Variants in EHBP1 observed in about 807,000 individuals in gnomAD.
EHBP1 encodes the protein EH domain binding protein 1, also known as EH domain-binding protein 1.
Under a neutral mutation model 144.0 loss-of-function variants are expected in EHBP1, and 55 were observed. The observed-to-expected ratio is 0.38, with a 90% confidence interval of 0.31 to 0.48. EHBP1 has a LOEUF of 0.48. Ranked by LOEUF, EHBP1 falls within the 20% of genes least tolerant of loss-of-function variation. EHBP1 has a pLI of 0.98. For synonymous variants in EHBP1, 469 were observed against 472.7 expected (o/e 0.99, Z 0.10); for missense variants, 1,200 against 1,364.2 (o/e 0.88, Z 1.90).
intron 10 of EHBP1, among the ~76,000 whole-genome samples, chr2:62,892,909 A>G (rs935562216): frequency 1.5e-4 from 23 of 152,158 alleles, no homozygotes; most frequent in South Asian, 8.3e-4. Flanking sequence ...AACCAAAGTA[A>G]TTACTAGTAT....
At chr2:63,009,380 A>G (rs1489877092) in intron 19 of EHBP1, among the ~76,000 whole-genome samples, 1 of 151,576 alleles carries the variant, frequency 6.6e-6, no homozygotes, top group East Asian at 1.9e-4. Context: ...TTAGCTGAAC[A>G]TTTCTAGAAA....
chr2:63,029,919 T>C (rs1021662780), intron 19 of EHBP1, among the ~76,000 whole-genome samples: 4 of 151,048 alleles, frequency 2.6e-5, no homozygotes, highest in Non-Finnish European at 5.9e-5. Flanking sequence ...TTAGTAGAGA[T>C]GGGGTTTCAC....
chr2:62,802,654 A>C (rs1197896647), intron 5 of EHBP1, among the ~76,000 whole-genome samples: 1 of 150,716 alleles, frequency 6.6e-6, no homozygotes, highest in Non-Finnish European at 1.5e-5. Context: ...TTAAAATGAT[A>C]TTACACACAC....
At chr2:62,682,270 A>G (rs1454663358) in intron 1 of EHBP1, among the ~76,000 whole-genome samples, 1 of 152,220 alleles carries the variant, frequency 6.6e-6, no homozygotes, top group Non-Finnish European at 1.5e-5. Flanking sequence ...AAAAAGTGAT[A>G]AATAAGGGAT....
intron 14 of EHBP1, among the ~76,000 whole-genome samples, chr2:62,969,227 T>C (rs2058384650): frequency 6.6e-6 from 1 of 152,142 alleles, no homozygotes; most frequent in African/African-American, 2.4e-5. Flanking sequence ...GGAATTCATA[T>C]GTATTAAGTA....
chr2:62,852,715 A>G (rs756003295), intron 7 of EHBP1, among the ~76,000 whole-genome samples: 13 of 152,170 alleles, frequency 8.5e-5, no homozygotes, highest in Non-Finnish European at 1.8e-4. Context: ...AAAATCAGTC[A>G]TGAGACTGGT....
chr2:63,044,984 T>C, intron 21 of EHBP1, 82 bp from the exon 22 acceptor site: 1 of 998,280 alleles, frequency 1.0e-6, no homozygotes, highest in African/African-American at 1.8e-5. Context: ...ATAAGGAAAC[T>C]GGAAAAGGCG....
At chr2:62,969,035 TA>T (rs1479675149) in intron 14 of EHBP1, among the ~76,000 whole-genome samples, 1 of 152,214 alleles carries the variant, frequency 6.6e-6, no homozygotes, top group East Asian at 1.9e-4. Flanking sequence ...ATAATTTTTT[TA>T]AACTAAGAAG....
At chr2:62,754,693 GC>G (rs1316932719) in intron 3 of EHBP1, among the ~76,000 whole-genome samples, 17 of 152,334 alleles carry the variant, frequency 1.1e-4, no homozygotes, top group South Asian at 4.1e-4. Flanking sequence ...AATGGTGGGT[GC>G]CCCTCCCGCA....
At chr2:62,682,752 G>A (rs1420604930) in intron 1 of EHBP1, among the ~76,000 whole-genome samples, 2 of 152,110 alleles carry the variant, frequency 1.3e-5, no homozygotes. Context: ...CCTGACTCTA[G>A]GACAAAACAT....
intron 10 of EHBP1, among the ~76,000 whole-genome samples, chr2:62,884,727 T>C (rs555476515): frequency 6.6e-6 from 1 of 152,322 alleles, no homozygotes; most frequent in Non-Finnish European, 1.5e-5. Context: ...AAGAATGCAG[T>C]TGGAAAGTAG....
chr2:62,762,378 T>C (rs2152311552), intron 3 of EHBP1, among the ~76,000 whole-genome samples: 1 of 152,328 alleles, frequency 6.6e-6, no homozygotes, highest in South Asian at 2.1e-4. Context: ...ATTCTTAAAC[T>C]TTAAATATTA....
At chr2:62,767,716 G>A (rs1456545084) in intron 4 of EHBP1, among the ~76,000 whole-genome samples, 1 of 151,134 alleles carries the variant, frequency 6.6e-6, no homozygotes, top group Non-Finnish European at 1.5e-5. Flanking sequence ...TGTGCCTGTA[G>A]TCCCAGCTAC....
In EHBP1 at chr2:62,882,029, G is replaced by A. The variant is rs560106961; in HGVS notation, c.1185+7497G>A. Among the ~76,000 whole-genome samples, 11 of 152,246 alleles carry A rather than the reference G, an allele frequency of 7.2e-5. No homozygotes were observed. In the South Asian group the frequency reaches 1.2e-3, roughly 17 times the overall value. On this transcript the variant is annotated intron_variant, in intron 10 of 22. Coordinates refer to ENST00000431489, the MANE Select transcript of EHBP1 (RefSeq NM_001142616.3). ...ATGATTTTGGAACCATACTCTACTC[G>A]GGTACCTGGGCTTCTATTTTTCTCA...
At chr2:62,842,197 C>G (rs1462225096) in intron 7 of EHBP1, among the ~76,000 whole-genome samples, 1 of 152,132 alleles carries the variant, frequency 6.6e-6, no homozygotes, top group Non-Finnish European at 1.5e-5. Context: ...AGGGATTCTC[C>G]TGCCTCAGCC....
intron 1 of EHBP1, among the ~76,000 whole-genome samples, chr2:62,696,508 CTTTTTTTT>C: frequency 1.3e-5 from 1 of 76,752 alleles, no homozygotes; most frequent in Non-Finnish European, 2.3e-5. Context: ...TTTTTTTCTT[CTTTTTTTT>C]TTTTTTTTTT....
intron 10 of EHBP1, among the ~76,000 whole-genome samples, chr2:62,888,963 A>T (rs1229477594): frequency 6.6e-6 from 1 of 150,728 alleles, no homozygotes; most frequent in Non-Finnish European, 1.5e-5. Flanking sequence ...TTAAGGAGCC[A>T]CTAACTCCTG....
At chr2:62,890,078 A>C (rs993546645) in intron 10 of EHBP1, among the ~76,000 whole-genome samples, 17 of 149,558 alleles carry the variant, frequency 1.1e-4, no homozygotes, top group Non-Finnish European at 2.1e-4. Flanking sequence ...CTCCTGCCTC[A>C]GCCTCCCGAG....
intron 10 of EHBP1, among the ~76,000 whole-genome samples, chr2:62,934,486 T>C (rs2056229869): frequency 6.6e-6 from 1 of 152,142 alleles, no homozygotes; most frequent in South Asian, 2.1e-4. Context: ...TGACGGAAAA[T>C]GTATACAATT....
Sources: gnomAD v4.1 joint callset for allele counts (sites outside exome capture counted in the v4.1 genomes callset) on GRCh38, gnomAD v4.1.1 for gene constraint, MANE v1.5 for transcripts, NCBI Gene and HGNC (gene_info 2026-07-23, HGNC 2026-07-21) for gene names.